Variants in RAB3GAP1 observed in about 807,000 individuals in gnomAD.
RAB3GAP1 encodes the protein rab3 GTPase-activating protein catalytic subunit.
A neutral mutation model predicts 130.7 loss-of-function variants in RAB3GAP1; 86 were observed. That is an observed-to-expected ratio of 0.66 (90% confidence interval 0.55 to 0.79). RAB3GAP1 has a LOEUF of 0.79. Ranked by LOEUF, RAB3GAP1 falls within the 30% of genes least tolerant of loss-of-function variation. The pLI is 0.00. For missense variants in RAB3GAP1, 1,029 were observed against 1,169.4 expected (o/e 0.88, Z 1.75); for synonymous variants, 367 against 401.7 (o/e 0.91, Z 1.03).
chr2:135,115,655 C>G (rs1690948601), intron 7 of RAB3GAP1, among the ~76,000 whole-genome samples: 1 of 152,146 alleles, frequency 6.6e-6, no homozygotes, highest in African/African-American at 2.4e-5. Flanking sequence ...CTCTTCTACT[C>G]CTTGTCCTCT....
rs1325940196 is a variant in RAB3GAP1 at position 135,170,212 on chromosome 2, CAAAG to C, written c.*1435_*1438del. 1 of 151,834 alleles carries C rather than the reference CAAAG, an allele frequency of 6.6e-6. No individual in the cohort carries two copies. Among genetic ancestry groups the C allele is most frequent in the Non-Finnish European group, 1.5e-5 (1 of 68,000 alleles). The allele number at this position is 151,834 out of a possible 1,614,324, so 9.4% of individuals were successfully genotyped here. A position where few individuals can be genotyped will look rare whatever the true frequency, so the allele number is the denominator to read the frequency against. ...AGGACAGAGTTTGTCTGTTTTCTAA[CAAAG>C]AAAAATTCTACAAAGGAGAGGTTGG... On this transcript the variant is annotated 3_prime_UTR_variant, in exon 24 of 24. Transcript: ENST00000264158.
In RAB3GAP1 at chr2:135,117,809, T is replaced by TTTCTTCTTCTTTC. The variant is rs1553445368; in HGVS notation, c.648+2466_648+2478dup. On this transcript the variant is annotated intron_variant, in intron 7 of 23. Coordinates refer to ENST00000264158, the MANE Select transcript of RAB3GAP1 (RefSeq NM_012233.3). Reference sequence around the variant, plus strand: ...CTGCTTCTTCTTCTTCTTCTTCTTCTTTCTTCTTCTTTCTTCTTCTTCTTT... The same window carrying TTTCTTCTTCTTTC: ...CTGCTTCTTCTTCTTCTTCTTCTTCTTTCTTCTTCTTTCTTCTTCTTCTTTCTTCTTCTTCTTT... Among the ~76,000 whole-genome samples, 74 of 110,380 alleles carry TTTCTTCTTCTTTC rather than the reference T, an allele frequency of 6.7e-4. 1 individual carries two copies. Among genetic ancestry groups the TTTCTTCTTCTTTC allele is most frequent in the South Asian group, 9.0e-4 (3 of 3,320 alleles). The allele number at this position is 110,380 out of a possible 152,430, so 72.4% of individuals were successfully genotyped here.
rs768154592 is a variant in RAB3GAP1, at chr2:135,113,182, C to T, written c.394C>T (p.Pro132Ser). Residue 132 changes from proline (P) to serine (S), a missense_variant, in exon 6 of 24, where the codon CCT becomes TCT. Physicochemically the swap from Pro to Ser is moderately conservative, Grantham distance 74 (BLOSUM62 -1). Coordinates refer to ENST00000264158, the MANE Select transcript of RAB3GAP1 (RefSeq NM_012233.3). Reference sequence around the variant, plus strand: ...GCTACGTGAGTTCGTGGTGATTGCCCCTGCTGCACACAGTGACGCTGTTCT... The same window carrying T: ...GCTACGTGAGTTCGTGGTGATTGCCTCTGCTGCACACAGTGACGCTGTTCT... Reference protein sequence around the residue: ...YGLREFVVIAPAAHSDAVLSE... With the variant: ...YGLREFVVIASAAHSDAVLSE... The T allele has an allele frequency of 4.3e-6, 7 of 1,613,896 alleles. No individual in the cohort carries two copies. The Admixed American group carries it at 1.2e-4, about 27-fold the overall frequency.
chr2:135,126,166 T>C lies in RAB3GAP1; in HGVS notation c.831-15T>C, dbSNP rs1412541289. 3 of 1,593,450 alleles carry C rather than the reference T, an allele frequency of 1.9e-6. No homozygotes were observed. The highest frequency in any genetic ancestry group is 1.1e-5 in the South Asian group (1 of 90,568). The stretch of plus-strand genomic sequence containing the variant: ...GTCAGTATTAAAGCTTTTGGGTATA[T>C]TTTATGTTTTTTAGTGAACTCCATT... On this transcript the variant is annotated splice_polypyrimidine_tract_variant and intron_variant, in intron 9 of 23. Transcript: ENST00000264158.
chr2:135,148,668 CTTTTTTTTTTT>C (rs60407802), intron 17 of RAB3GAP1, among the ~76,000 whole-genome samples: 6 of 113,108 alleles, frequency 5.3e-5, no homozygotes, highest in Non-Finnish European at 7.4e-5. Context: ...ATTTTTGTAT[CTTTTTTTTTTT>C]TTTTTTTTTT....
intron 5 of RAB3GAP1, among the ~76,000 whole-genome samples, chr2:135,106,398 T>G (rs1282189219): frequency 6.6e-6 from 1 of 152,224 alleles, no homozygotes; most frequent in African/African-American, 2.4e-5. Flanking sequence ...AGACTCCATT[T>G]TGTTCTGTAC....
intron 14 of RAB3GAP1, among the ~76,000 whole-genome samples, chr2:135,133,209 A>G (rs1691594700): frequency 6.6e-6 from 1 of 152,202 alleles, no homozygotes; most frequent in South Asian, 2.1e-4. Flanking sequence ...AATATACTCT[A>G]CACAGCTGTA....
intron 3 of RAB3GAP1, among the ~76,000 whole-genome samples, chr2:135,078,522 AT>A (rs1689690649): frequency 6.6e-6 from 1 of 152,078 alleles, no homozygotes; most frequent in Admixed American, 6.6e-5. Context: ...CTGTTTCTGA[AT>A]TCTGAATAAT....
chr2:135,069,495 T>A (rs1689409986), intron 3 of RAB3GAP1, among the ~76,000 whole-genome samples: 1 of 152,220 alleles, frequency 6.6e-6, no homozygotes, highest in Non-Finnish European at 1.5e-5. Context: ...TCATATAAAT[T>A]GGCAAGTTTT....
At chr2:135,102,302 A>G (rs1365555344) in intron 5 of RAB3GAP1, among the ~76,000 whole-genome samples, 1 of 152,186 alleles carries the variant, frequency 6.6e-6, no homozygotes, top group African/African-American at 2.4e-5. Flanking sequence ...GCCTCTAGAA[A>G]CTGGAATGGG....
chr2:135,148,504 T>G (rs1558799635), intron 17 of RAB3GAP1, among the ~76,000 whole-genome samples: 2 of 149,900 alleles, frequency 1.3e-5, no homozygotes, highest in African/African-American at 2.5e-5. Context: ...TTTTTTTTTT[T>G]TTTTTTTTGG....
intron 9 of RAB3GAP1, among the ~76,000 whole-genome samples, chr2:135,125,312 T>C (rs551584536): frequency 1.1e-4 from 16 of 152,296 alleles, no homozygotes; most frequent in African/African-American, 3.6e-4. Context: ...TACCCCCTTA[T>C]CCACAGCTGG....
intron 5 of RAB3GAP1, among the ~76,000 whole-genome samples, chr2:135,110,849 G>T (rs1448809196): frequency 1.3e-5 from 2 of 152,116 alleles, no homozygotes; most frequent in Non-Finnish European, 2.9e-5. Flanking sequence ...GGGTAGGGTG[G>T]TTACGCAGAT....
chr2:135,166,482 G>A (rs1232283284), intron 23 of RAB3GAP1, among the ~76,000 whole-genome samples: 1 of 152,024 alleles, frequency 6.6e-6, no homozygotes, highest in Non-Finnish European at 1.5e-5. Flanking sequence ...CCAAGAAGCT[G>A]GAGCCACAGG....
chr2:135,151,956 C>T (rs552845610), intron 18 of RAB3GAP1, among the ~76,000 whole-genome samples: 1 of 152,332 alleles, frequency 6.6e-6, no homozygotes, highest in South Asian at 2.1e-4. Context: ...TCCTCTAACA[C>T]TGCACTTCAG....
intron 3 of RAB3GAP1, among the ~76,000 whole-genome samples, chr2:135,072,764 A>G (rs1689514473): frequency 6.6e-6 from 1 of 152,196 alleles, no homozygotes; most frequent in African/African-American, 2.4e-5. Context: ...TTCCTTACCA[A>G]AAATACCTCT....
chr2:135,052,720 A>G (rs550220646), intron 2 of RAB3GAP1, among the ~76,000 whole-genome samples: 1 of 152,064 alleles, frequency 6.6e-6, no homozygotes, highest in African/African-American at 2.4e-5. Context: ...GGCTCTCAGA[A>G]AGTTTTGTTT....
At chr2:135,162,675 A>G in intron 20 of RAB3GAP1, 24 bp downstream of exon 20, 1 of 1,606,496 alleles carries the variant, frequency 6.2e-7, no homozygotes, top group South Asian at 1.1e-5. Flanking sequence ...TTAACTAGTC[A>G]TTAGTCATTT....
intron 17 of RAB3GAP1, 88 bp downstream of exon 17, chr2:135,136,020 A>G: frequency 6.5e-7 from 1 of 1,539,878 alleles, no homozygotes; most frequent in Non-Finnish European, 9.0e-7. Flanking sequence ...GAGTAAGGAA[A>G]ATTATCCAAA....
Sources: allele counts gnomAD v4.1 joint callset (sites outside exome capture counted in the v4.1 genomes callset), GRCh38; gene constraint gnomAD v4.1.1; transcripts MANE v1.5; gene names NCBI Gene and HGNC (gene_info 2026-07-23, HGNC 2026-07-21).